The following CACNA2D3 variants were observed in gnomAD, a reference collection of about 807,000 sequenced individuals.
CACNA2D3 encodes the protein voltage-dependent calcium channel subunit alpha-2/delta-3.
A neutral mutation model predicts 160.6 loss-of-function variants in CACNA2D3; 60 were observed. The ratio of observed to expected loss-of-function variants is 0.37; its 90% CI spans 0.30 to 0.46. The LOEUF (loss-of-function observed/expected upper bound fraction) is 0.46, where lower values mean the gene tolerates loss of function less well. CACNA2D3 is among the 20% of genes least tolerant of loss of function. The pLI is 1.00. For synonymous variants in CACNA2D3, 558 were observed against 492.9 expected, an observed-to-expected ratio of 1.13 and a Z score of -1.75; for missense variants, 1,205 against 1,365.0, an observed-to-expected ratio of 0.88 and a Z score of 1.85.
chr3:54,642,095 T>C (rs761979655), intron 10 of CACNA2D3, 33 bp from the exon 11 acceptor site: 5 of 1,371,054 alleles, frequency 3.6e-6, no homozygotes, highest in East Asian at 2.4e-5. Flanking sequence ...TTCTCTGATA[T>C]GTATACTATT....
At chr3:54,575,313 T>G (rs1405070640) in intron 8 of CACNA2D3, among the ~76,000 whole-genome samples, 1 of 152,234 alleles carries the variant, frequency 6.6e-6, no homozygotes, top group East Asian at 1.9e-4. Flanking sequence ...TTGGCAGAAC[T>G]TTGGATTCTT....
At chr3:54,909,979 A>G (rs115186475) in intron 27 of CACNA2D3, among the ~76,000 whole-genome samples, 1,857 of 152,260 alleles carry the variant, frequency 0.012, 43 homozygotes, top group African/African-American at 0.042. Context: ...AAATGCTTTG[A>G]TCAGTGTCTG....
intron 11 of CACNA2D3, among the ~76,000 whole-genome samples, chr3:54,708,893 A>AT (rs561544240): frequency 1.3e-4 from 20 of 151,180 alleles, no homozygotes; most frequent in South Asian, 6.3e-4. Context: ...TGAAAAGACA[A>AT]TTTTTTTTTC....
chr3:54,685,430 C>A (rs776827157), intron 11 of CACNA2D3, among the ~76,000 whole-genome samples: 2 of 152,186 alleles, frequency 1.3e-5, no homozygotes, highest in Admixed American at 6.5e-5. Context: ...CAAAAACTGG[C>A]AGTGGGCCAG....
intron 5 of CACNA2D3, among the ~76,000 whole-genome samples, chr3:54,556,859 C>G (rs1702249307): frequency 6.6e-6 from 1 of 152,222 alleles, no homozygotes; most frequent in Admixed American, 6.5e-5. Flanking sequence ...GCCTGCTCCC[C>G]ATGGGACAGT....
At chr3:54,200,905 T>G (rs2107348837) in intron 2 of CACNA2D3, among the ~76,000 whole-genome samples, 1 of 152,356 alleles carries the variant, frequency 6.6e-6, no homozygotes. Context: ...AAAATATTTC[T>G]TTATGGTTCA....
chr3:54,769,920 G>T (rs1702288998), intron 13 of CACNA2D3, among the ~76,000 whole-genome samples: 1 of 152,134 alleles, frequency 6.6e-6, no homozygotes, highest in Non-Finnish European at 1.5e-5. Flanking sequence ...CTGGGGGTGG[G>T]TGCCTGGGTC....
intron 2 of CACNA2D3, among the ~76,000 whole-genome samples, chr3:54,294,272 A>G (rs1575376615): frequency 6.6e-6 from 1 of 152,214 alleles, no homozygotes; most frequent in Non-Finnish European, 1.5e-5. Context: ...GGTCTTGCCC[A>G]AGGATCAAGG....
intron 3 of CACNA2D3, among the ~76,000 whole-genome samples, chr3:54,341,004 G>A (rs1223841287): frequency 6.6e-6 from 1 of 152,108 alleles, no homozygotes; most frequent in Non-Finnish European, 1.5e-5. Context: ...GAAGCTTCAC[G>A]CCTGCTGTCC....
chr3:54,842,199 A>C (rs1233062753), intron 16 of CACNA2D3, among the ~76,000 whole-genome samples: 2 of 152,234 alleles, frequency 1.3e-5, no homozygotes, highest in Admixed American at 1.3e-4. Context: ...CAACCAACAC[A>C]CAAAACATTC....
At chr3:54,739,436 A>G (rs562211482) in intron 11 of CACNA2D3, among the ~76,000 whole-genome samples, 1 of 149,074 alleles carries the variant, frequency 6.7e-6, no homozygotes, top group African/African-American at 2.5e-5. Flanking sequence ...AAAAAAAAAA[A>G]AAAAACAAAA....
intron 35 of CACNA2D3, among the ~76,000 whole-genome samples, chr3:55,051,753 C>T (rs1039576354): frequency 6.6e-5 from 10 of 152,130 alleles, no homozygotes; most frequent in Admixed American, 3.3e-4. Context: ...TAGCAATTAG[C>T]GAGACTCCGT....
chr3:54,248,481 CAA>C (rs577393882), intron 2 of CACNA2D3, among the ~76,000 whole-genome samples: 856 of 44,344 alleles, frequency 0.019, 9 homozygotes, highest in African/African-American at 0.062. Context: ...AACTCCATCT[CAA>C]AAAAAAAAAA....
intron 2 of CACNA2D3, among the ~76,000 whole-genome samples, chr3:54,319,771 G>C (rs1703947123): frequency 1.3e-5 from 2 of 151,764 alleles, no homozygotes; most frequent in Admixed American, 1.3e-4. Context: ...TTAATACAAG[G>C]ATAAAAAAAC....
At chr3:54,876,828 C>T (rs1011829858) in intron 18 of CACNA2D3, among the ~76,000 whole-genome samples, 5 of 152,120 alleles carry the variant, frequency 3.3e-5, no homozygotes, top group East Asian at 1.9e-4. Flanking sequence ...CAGTAGTATC[C>T]GAATTTCATA....
intron 29 of CACNA2D3, 49 bp from the exon 30 acceptor site, chr3:54,984,559 C>A: frequency 9.2e-7 from 1 of 1,090,558 alleles, no homozygotes; most frequent in Non-Finnish European, 1.4e-6. Flanking sequence ...GTGTGATGGC[C>A]CGAAGTTGAA....
chr3:54,946,633 C>T (rs1387283557), intron 27 of CACNA2D3, among the ~76,000 whole-genome samples: 1 of 152,094 alleles, frequency 6.6e-6, no homozygotes, highest in Non-Finnish European at 1.5e-5. Context: ...GACAGGAGAG[C>T]CGTCCTTTCA....
intron 8 of CACNA2D3, among the ~76,000 whole-genome samples, chr3:54,577,056 AAAAC>A (rs1013914444): frequency 1.3e-5 from 2 of 152,074 alleles, no homozygotes; most frequent in Non-Finnish European, 2.9e-5. Flanking sequence ...CAAACAAACA[AAAAC>A]AAACAAAAGG....
At chr3:54,375,622 G>C (rs890499185) in intron 3 of CACNA2D3, among the ~76,000 whole-genome samples, 1 of 152,194 alleles carries the variant, frequency 6.6e-6, no homozygotes, top group Non-Finnish European at 1.5e-5. Context: ...GTCAGGATCT[G>C]AGGGTACTGG....
Sources: allele counts gnomAD v4.1 joint callset (sites outside exome capture counted in the v4.1 genomes callset), GRCh38; gene constraint gnomAD v4.1.1; transcripts MANE v1.5; gene names NCBI Gene and HGNC (gene_info 2026-07-23, HGNC 2026-07-21).